The following CDH8 variants were observed in gnomAD, a reference collection of about 807,000 sequenced individuals.
CDH8 encodes cadherin-8.
In CDH8, 17 loss-of-function variants were observed where a neutral mutation model predicts 68.1. The ratio of observed to expected loss-of-function variants is 0.25; its 90% confidence interval spans 0.17 to 0.37. CDH8 has a LOEUF of 0.37. Among genes scored for constraint, CDH8 ranks in the 10% least tolerant of loss-of-function variants. The pLI, the probability that CDH8 is intolerant of heterozygous loss-of-function variation, is 1.00. For missense variants in CDH8, 763 were observed against 999.3 expected, an observed-to-expected ratio of 0.76 and a Z score of 3.19; for synonymous variants, 372 against 365.1, an observed-to-expected ratio of 1.02 and a Z score of -0.21.
intron 2 of CDH8, among the ~76,000 whole-genome samples, chr16:62,001,986 A>G (rs535767614): frequency 6.6e-6 from 1 of 152,298 alleles, no homozygotes; most frequent in East Asian, 1.9e-4. Context: ...AAGAGTGAGT[A>G]GCCCACTATT....
chr16:61,661,499 A>C (rs544845488), intron 10 of CDH8, among the ~76,000 whole-genome samples: 1 of 151,948 alleles, frequency 6.6e-6, no homozygotes, highest in Non-Finnish European at 1.5e-5. Flanking sequence ...CCAATAGATC[A>C]AAGAAGAAAG....
At chr16:61,767,910 G>C (rs1477599153) in intron 8 of CDH8, among the ~76,000 whole-genome samples, 1 of 151,718 alleles carries the variant, frequency 6.6e-6, no homozygotes, top group Admixed American at 6.6e-5. Flanking sequence ...TTGCTGCAAA[G>C]TCTTTAGAAC....
chr16:61,801,506 C>A (rs1005204739), intron 7 of CDH8, among the ~76,000 whole-genome samples: 7 of 152,126 alleles, frequency 4.6e-5, no homozygotes, highest in African/African-American at 1.7e-4. Context: ...CAGCTCCCAG[C>A]GTGAGCGACG....
intron 8 of CDH8, among the ~76,000 whole-genome samples, chr16:61,736,098 GGAAAGAAA>G (rs1260262826): frequency 1.0e-5 from 1 of 99,374 alleles, no homozygotes; most frequent in African/African-American, 3.7e-5. Context: ...CAAGAAAGAA[GGAAAGAAA>G]GAAAGAAAGG....
intron 1 of CDH8, among the ~76,000 whole-genome samples, chr16:62,029,552 C>T (rs1902275176): frequency 6.6e-6 from 1 of 152,184 alleles, no homozygotes; most frequent in South Asian, 2.1e-4. Flanking sequence ...ATCTTTCCTT[C>T]CCATAGAAGA....
At chr16:61,915,269 A>G (rs1964220624) in intron 2 of CDH8, among the ~76,000 whole-genome samples, 1 of 152,216 alleles carries the variant, frequency 6.6e-6, no homozygotes. Context: ...CATTCATGTG[A>G]CTTTTCAGCC....
At chr16:61,664,254 G>C (rs529485185) in intron 10 of CDH8, among the ~76,000 whole-genome samples, 1 of 151,786 alleles carries the variant, frequency 6.6e-6, no homozygotes, top group African/African-American at 2.4e-5. Context: ...CCAGATAAAT[G>C]AGTTACATGA....
intron 4 of CDH8, among the ~76,000 whole-genome samples, chr16:61,849,036 CAGACACTGG>C (rs1296117977): frequency 6.6e-6 from 1 of 152,016 alleles, no homozygotes; most frequent in Non-Finnish European, 1.5e-5. Context: ...AGAGTGCAAG[CAGACACTGG>C]AGACACTGGC....
chr16:61,976,895 AAC>A (rs1965444858), intron 2 of CDH8, among the ~76,000 whole-genome samples: 1 of 152,184 alleles, frequency 6.6e-6, no homozygotes, highest in Non-Finnish European at 1.5e-5. Context: ...AAACAATACA[AAC>A]ACAACTAAAA....
chr16:61,827,163 T>A (rs545351726), intron 4 of CDH8, among the ~76,000 whole-genome samples: 3 of 151,990 alleles, frequency 2.0e-5, no homozygotes, highest in Non-Finnish European at 4.4e-5. Flanking sequence ...TGAATATACA[T>A]TTTCATGACC....
At chr16:61,967,842 CTT>C (rs769061659) in intron 2 of CDH8, among the ~76,000 whole-genome samples, 3 of 152,146 alleles carry the variant, frequency 2.0e-5, no homozygotes, top group Non-Finnish European at 4.4e-5. Flanking sequence ...GAGTTTCGCT[CTT>C]GTTACCCAGG....
At chr16:61,923,373 A>C (rs1271436185) in intron 2 of CDH8, among the ~76,000 whole-genome samples, 1 of 152,140 alleles carries the variant, frequency 6.6e-6, no homozygotes, top group Non-Finnish European at 1.5e-5. Context: ...ATCCGCACTC[A>C]ATCTTTTTAG....
chr16:61,885,601 T>C (rs752705047), intron 3 of CDH8, among the ~76,000 whole-genome samples: 6 of 152,118 alleles, frequency 3.9e-5, no homozygotes, highest in Non-Finnish European at 8.8e-5. Flanking sequence ...TCATTTAAGT[T>C]TGACATTGTA....
At chr16:61,881,124 G>A (rs1292130300) in intron 3 of CDH8, among the ~76,000 whole-genome samples, 1 of 152,206 alleles carries the variant, frequency 6.6e-6, no homozygotes, top group Non-Finnish European at 1.5e-5. Context: ...ATGAGAGGCT[G>A]AAGCAGAAGA....
intron 3 of CDH8, among the ~76,000 whole-genome samples, chr16:61,881,805 G>A (rs1963583241): frequency 6.6e-6 from 1 of 152,130 alleles, no homozygotes; most frequent in Non-Finnish European, 1.5e-5. Flanking sequence ...ATCCACAATT[G>A]TAACCCCTTC....
intron 3 of CDH8, among the ~76,000 whole-genome samples, chr16:61,900,588 T>C (rs1240173405): frequency 1.3e-5 from 2 of 152,212 alleles, no homozygotes; most frequent in Non-Finnish European, 2.9e-5. Context: ...TAATATGTGA[T>C]GGAGTCTTCA....
intron 1 of CDH8, among the ~76,000 whole-genome samples, chr16:62,028,739 TAA>T (rs35795463): frequency 9.2e-4 from 134 of 145,548 alleles, no homozygotes; most frequent in Non-Finnish European, 1.2e-3. Context: ...AAGATCATCC[TAA>T]AAAAAAAAAA....
intron 8 of CDH8, among the ~76,000 whole-genome samples, chr16:61,738,084 C>G (rs781272548): frequency 6.6e-6 from 1 of 152,126 alleles, no homozygotes. Context: ...CAAGAAGTGG[C>G]TCTCTCAAGA....
At chr16:61,730,409 TTA>T (rs1959501969) in intron 8 of CDH8, among the ~76,000 whole-genome samples, 1 of 151,490 alleles carries the variant, frequency 6.6e-6, no homozygotes, top group South Asian at 2.1e-4. Flanking sequence ...GTTTTTTCAA[TTA>T]TCATCTTTCT....
Sources: allele counts gnomAD v4.1 joint callset (sites outside exome capture counted in the v4.1 genomes callset), GRCh38; gene constraint gnomAD v4.1.1; transcripts MANE v1.5; gene names NCBI Gene and HGNC (gene_info 2026-07-23, HGNC 2026-07-21).